SMAD3: variants seen among roughly 807,000 people sequenced by gnomAD.
SMAD3 encodes the protein MAD homolog 3.
Under a neutral mutation model 51.8 loss-of-function variants are expected in SMAD3, and 12 were observed. The observed-to-expected ratio is 0.23, with a 90% CI of 0.15 to 0.38. The LOEUF (loss-of-function observed/expected upper bound fraction) is 0.38. SMAD3 is among the 10% of genes least tolerant of loss of function. The pLI, the probability that SMAD3 is intolerant of heterozygous loss-of-function variation, is 1.00. For missense variants in SMAD3, 294 were observed against 565.6 expected (o/e 0.52, Z 4.87); for synonymous variants, 238 against 227.7 (o/e 1.05, Z -0.41).
chr15:67,066,819 C>CT (rs1959933340), intron 1 of SMAD3, among the ~76,000 whole-genome samples: 1 of 152,274 alleles, frequency 6.6e-6, no homozygotes, highest in African/African-American at 2.4e-5. Context: ...GGTCTCCCCA[C>CT]TTTCCTCTAC....
At position 67,190,464 on chromosome 15, in the gene SMAD3, G is replaced by T. The variant is rs1963332496; in HGVS notation, c.1206G>T (p.Gly402=). The T allele has an allele frequency of 3.1e-6, 5 of 1,614,012 alleles. No individual in the cohort carries two copies. Among genetic ancestry groups the T allele is most frequent in the African/African-American group, 2.7e-5 (2 of 75,024 alleles). Residue 402 remains glycine (G), a synonymous_variant, in exon 9 of 9, where the codon GGG becomes GGT. Coordinates refer to ENST00000327367, the MANE Select transcript of SMAD3 (RefSeq NM_005902.4). ...GCTGGATTGAGCTGCACCTGAATGGGCCTTTGCAGTGGCTTGACAAGGTCC... is the reference window on the plus strand; with the variant it reads ...GCTGGATTGAGCTGCACCTGAATGGTCCTTTGCAGTGGCTTGACAAGGTCC... ...TPCWIELHLN[G]PLQWLDKVLT...
intron 1 of SMAD3, among the ~76,000 whole-genome samples, chr15:67,152,363 AG>A (rs1355646965): frequency 5.8e-5 from 3 of 51,538 alleles, no homozygotes; most frequent in Non-Finnish European, 1.3e-4. Flanking sequence ...GTTTGGAAAC[AG>A]AGAAGACTCT....
At chr15:67,137,942 G>A in intron 1 of SMAD3, 3 of 953,696 alleles carry the variant, frequency 3.1e-6, no homozygotes, top group African/African-American at 3.2e-5. Flanking sequence ...GGAGGTACTA[G>A]AATTCGGACT....
Position 67,184,744 on chromosome 15 carries a change from T to A in SMAD3, c.889T>A (p.Tyr297Asn). 6.2e-7 allele frequency: 1 copy of A among 1,614,082 alleles called. No individual in the cohort carries two copies. The highest frequency in any genetic ancestry group is 8.5e-7 in the Non-Finnish European group (1 of 1,180,050). The change falls in exon 7 of 9, where the codon TAC becomes AAC. Residue 297 changes from tyrosine (Y) to asparagine (N), a missense_variant. Tyr to Asn is a moderately radical substitution (Grantham distance 143). This residue lies in a region of SMAD3 where 118 missense variants were observed against 278.0 expected (regional missense o/e 0.42). Transcript: ENST00000327367. ...CTCTGTAGGAAGAGGCGTGCGGCTC[T>A]ACTACATCGGAGGGGAGGTCTTCGC... ...RRHIGRGVRL[Y>N]YIGGEVFAEC...
intron 1 of SMAD3, among the ~76,000 whole-genome samples, chr15:67,129,562 AAC>A (rs1398767198): frequency 2.0e-5 from 3 of 152,192 alleles, no homozygotes; most frequent in Admixed American, 6.5e-5. Context: ...CACAGGAAAA[AAC>A]ACAGTGTCTA....
At chr15:67,158,860 G>GCAC (rs1338961804) in intron 1 of SMAD3, among the ~76,000 whole-genome samples, 3 of 152,146 alleles carry the variant, frequency 2.0e-5, no homozygotes, top group Non-Finnish European at 4.4e-5. Flanking sequence ...GACCTACCGT[G>GCAC]TTCCTTACTT....
At chr15:67,088,996 T>C (rs1198415426) in intron 1 of SMAD3, among the ~76,000 whole-genome samples, 1 of 152,100 alleles carries the variant, frequency 6.6e-6, no homozygotes, top group Non-Finnish European at 1.5e-5. Flanking sequence ...CAGGGTGACC[T>C]TTCTCCAGAG....
intron 1 of SMAD3, among the ~76,000 whole-genome samples, chr15:67,120,968 C>T (rs569239588): frequency 2.2e-4 from 34 of 152,210 alleles, no homozygotes; most frequent in Non-Finnish European, 4.1e-4. Flanking sequence ...AAACACCGGA[C>T]ACCCCTGCTT....
intron 1 of SMAD3, among the ~76,000 whole-genome samples, chr15:67,139,411 C>T (rs924078722): frequency 3.3e-5 from 5 of 152,134 alleles, no homozygotes; most frequent in Non-Finnish European, 5.9e-5. Context: ...ATTCTCTACC[C>T]CTCCTCCCTC....
chr15:67,147,399 C>G (rs1026978840), intron 1 of SMAD3, among the ~76,000 whole-genome samples: 1 of 152,128 alleles, frequency 6.6e-6, no homozygotes, highest in Non-Finnish European at 1.5e-5. Flanking sequence ...GTTACACCGA[C>G]AGCTGAGTTT....
intron 1 of SMAD3, chr15:67,125,816 C>G (rs1961370582): frequency 2.0e-6 from 2 of 985,460 alleles, no homozygotes; most frequent in East Asian, 1.1e-4. Flanking sequence ...GCGCACTGAC[C>G]ATAAGAGCAA....
chr15:67,145,184 G>C (rs1389401353), intron 1 of SMAD3, among the ~76,000 whole-genome samples: 1 of 152,126 alleles, frequency 6.6e-6, no homozygotes. Context: ...GTCAGAAAAG[G>C]GACCTTGGAA....
At position 67,192,886 on chromosome 15, in the gene SMAD3, G is replaced by A; in HGVS notation, c.*2350G>A. On this transcript the variant is annotated 3_prime_UTR_variant, in exon 9 of 9. Coordinates refer to ENST00000327367, the MANE Select transcript of SMAD3 (RefSeq NM_005902.4). ...TCAGACCTGAAGGCTACTTCTAGGA[G>A]CATGAAGTTTGAGTTTTGTGTTTTT... 1 of 233,352 alleles carries A rather than the reference G, an allele frequency of 4.3e-6. No individual in the cohort carries two copies. Among genetic ancestry groups the A allele is most frequent in the East Asian group, 6.0e-5 (1 of 16,722 alleles). 14.5% of individuals were successfully genotyped at this position (233,352 alleles called of 1,614,324 possible). A position where few individuals can be genotyped will look rare whatever the true frequency, so the allele number is the denominator to read the frequency against.
At chr15:67,146,074 A>G (rs1183250421) in intron 1 of SMAD3, 1 of 152,246 alleles carries the variant, frequency 6.6e-6, no homozygotes, top group Non-Finnish European at 1.5e-5. Flanking sequence ...TCTAGGAAGC[A>G]ACTGGTCAGT....
intron 1 of SMAD3, among the ~76,000 whole-genome samples, chr15:67,160,770 C>CAAAA (rs547354315): frequency 1.6e-4 from 10 of 61,038 alleles, no homozygotes; most frequent in East Asian, 1.1e-3. Context: ...GACTCCATCT[C>CAAAA]AAAAAAAAAA....
chr15:67,093,799 A>G (rs1960557183), intron 1 of SMAD3, among the ~76,000 whole-genome samples: 1 of 152,224 alleles, frequency 6.6e-6, no homozygotes, highest in African/African-American at 2.4e-5. Context: ...GGTGGTTCCT[A>G]TCTTCTTGCC....
intron 1 of SMAD3, among the ~76,000 whole-genome samples, chr15:67,110,409 C>T (rs1426577371): frequency 6.6e-6 from 1 of 152,148 alleles, no homozygotes; most frequent in Non-Finnish European, 1.5e-5. Flanking sequence ...TTTAGAGGAA[C>T]TTGGGTTTGA....
intron 1 of SMAD3, among the ~76,000 whole-genome samples, chr15:67,161,418 A>G (rs1962428139): frequency 1.3e-5 from 2 of 152,204 alleles, no homozygotes; most frequent in African/African-American, 4.8e-5. Flanking sequence ...TCTATCACCT[A>G]GATGGAGCTT....
At chr15:67,176,406 C>T (rs549334489) in intron 5 of SMAD3, among the ~76,000 whole-genome samples, 16 of 152,160 alleles carry the variant, frequency 1.1e-4, no homozygotes, top group Non-Finnish European at 1.9e-4. Context: ...AGCTGCCTTC[C>T]GCAGGTGAGG....
Sources: allele counts gnomAD v4.1 joint callset (sites outside exome capture counted in the v4.1 genomes callset), GRCh38; gene constraint gnomAD v4.1.1; regional missense constraint gnomAD v4.1.1; transcripts MANE v1.5; gene names NCBI Gene and HGNC (gene_info 2026-07-23, HGNC 2026-07-21).